COL19A1: variants seen among roughly 807,000 people sequenced by gnomAD.
COL19A1 encodes collagen alpha-1(XIX) chain.
Under a neutral mutation model 190.2 loss-of-function variants are expected in COL19A1, and 159 were observed. That is an observed-to-expected ratio of 0.84 (90% confidence interval 0.73 to 0.95). The LOEUF (loss-of-function observed/expected upper bound fraction) is 0.95. Ranked by LOEUF, COL19A1 falls within the 40% of genes least tolerant of loss-of-function variation. The pLI is 0.00. For missense variants in COL19A1, 1,418 were observed against 1,431.9 expected (o/e 0.99, Z 0.16); for synonymous variants, 509 against 458.9 (o/e 1.11, Z -1.39).
chr6:69,934,900 T>G (rs1215523835), intron 7 of COL19A1, among the ~76,000 whole-genome samples: 1 of 151,994 alleles, frequency 6.6e-6, no homozygotes, highest in Admixed American at 6.6e-5. Context: ...TTGTATTTAT[T>G]TTCTTTTTTG....
rs1354736561 is a variant in COL19A1 at position 70,210,289 on chromosome 6, A to G, written c.*3015A>G. Among the ~76,000 whole-genome samples, 28 of 152,198 alleles carry G rather than the reference A, an allele frequency of 1.8e-4. No individual in the cohort carries two copies. The highest frequency in any genetic ancestry group is 1.6e-3 in the Admixed American group (25 of 15,282). On this transcript the variant is annotated 3_prime_UTR_variant, in exon 51 of 51. Coordinates refer to ENST00000620364, the MANE Select transcript of COL19A1 (RefSeq NM_001858.6). ...AAAGATTAAAGTATGACTTCAATTC[A>G]TATTTATGGCCTTTGGAATCCAAAG...
intron 17 of COL19A1, among the ~76,000 whole-genome samples, chr6:70,124,107 AG>A (rs756179584): frequency 2.0e-5 from 3 of 151,476 alleles, no homozygotes; most frequent in African/African-American, 7.2e-5. Flanking sequence ...AAAATAAATA[AG>A]GAAAAAAAAC....
chr6:69,908,846 C>G (rs1445758985), intron 4 of COL19A1, among the ~76,000 whole-genome samples: 1 of 152,034 alleles, frequency 6.6e-6, no homozygotes, highest in African/African-American at 2.4e-5. Flanking sequence ...TTTTCTTGGA[C>G]TTGACCATTC....
At chr6:70,026,084 T>A (rs1778717250) in intron 12 of COL19A1, among the ~76,000 whole-genome samples, 1 of 152,172 alleles carries the variant, frequency 6.6e-6, no homozygotes, top group Non-Finnish European at 1.5e-5. Context: ...TGCATAAAAG[T>A]AATATTGGAA....
chr6:70,141,100 C>T, intron 20 of COL19A1, 111 bp downstream of exon 20: 1 of 926,276 alleles, frequency 1.1e-6, no homozygotes, highest in Non-Finnish European at 1.6e-6. Flanking sequence ...AAATAAGGTC[C>T]ATGAGCATTT....
intron 15 of COL19A1, among the ~76,000 whole-genome samples, chr6:70,084,278 G>T (rs758628053): frequency 1.3e-5 from 2 of 152,088 alleles, no homozygotes; most frequent in Non-Finnish European, 2.9e-5. Context: ...TGACTGGCAC[G>T]AGGATGCTGA....
chr6:70,195,658 A>C (rs1266328988), intron 48 of COL19A1, among the ~76,000 whole-genome samples: 1 of 152,222 alleles, frequency 6.6e-6, no homozygotes, highest in Non-Finnish European at 1.5e-5. Flanking sequence ...AAGGAATTTC[A>C]ACAACTACTA....
intron 15 of COL19A1, among the ~76,000 whole-genome samples, chr6:70,099,153 T>C (rs773438981): frequency 3.3e-5 from 5 of 151,908 alleles, no homozygotes; most frequent in Admixed American, 1.3e-4. Flanking sequence ...TCCACCCACA[T>C]TTCTCATCCA....
chr6:69,895,579 A>G (rs914642724), intron 2 of COL19A1, among the ~76,000 whole-genome samples: 6 of 152,168 alleles, frequency 3.9e-5, no homozygotes, highest in African/African-American at 1.4e-4. Context: ...TTCCCGCCAG[A>G]CTGTTCAAAT....
chr6:70,008,766 A>G (rs2150092199), intron 11 of COL19A1, among the ~76,000 whole-genome samples: 1 of 151,526 alleles, frequency 6.6e-6, no homozygotes, highest in South Asian at 2.1e-4. Flanking sequence ...AGAGAGATGC[A>G]CACACACACA....
chr6:70,109,043 C>T (rs1271606336), intron 16 of COL19A1, among the ~76,000 whole-genome samples: 1 of 152,096 alleles, frequency 6.6e-6, no homozygotes, highest in African/African-American at 2.4e-5. Flanking sequence ...CACAAAGCAA[C>T]AACAAACTAC....
rs767174241 is a variant in COL19A1, at chr6:70,144,231, A to T, written c.1648A>T (p.Ile550Phe). The T allele has an allele frequency of 6.2e-7, 1 of 1,612,574 alleles. No individual in the cohort carries two copies. The highest frequency in any genetic ancestry group is 8.5e-7 in the Non-Finnish European group (1 of 1,178,912). Reference sequence around the variant, plus strand: ...CTAGGGATTGCCAGGAGAACATGGTATCCCAGGAAAACAAGGCATTAAAGG... The same window carrying T: ...CTAGGGATTGCCAGGAGAACATGGTTTCCCAGGAAAACAAGGCATTAAAGG... Reference protein sequence around the residue: ...GDVGLPGEHGIPGKQGIKGEK... With the variant: ...GDVGLPGEHGFPGKQGIKGEK... Residue 550 changes from isoleucine (I) to phenylalanine (F), a missense_variant, in exon 24 of 51, where the codon ATC becomes TTC. Physicochemically the swap from Ile to Phe is conservative, Grantham distance 21. Coordinates refer to ENST00000620364, the MANE Select transcript of COL19A1 (RefSeq NM_001858.6).
chr6:70,127,262 A>G (rs1785257267), intron 17 of COL19A1, among the ~76,000 whole-genome samples: 1 of 152,208 alleles, frequency 6.6e-6, no homozygotes, highest in Non-Finnish European at 1.5e-5. Flanking sequence ...CAGGTCATGC[A>G]GAGATTTGAA....
In COL19A1 at chr6:70,156,690, C is replaced by T. The variant is rs1787462202; in HGVS notation, c.2259C>T (p.Gly753=). The change falls in exon 34 of 51, where the codon GGC becomes GGT. Residue 753 remains glycine (G), a synonymous_variant. Transcript: ENST00000620364. ...TTTAGGGAAGCAAAGGAGAGCGGGG[C>T]TACCCTGGGATACCTGGGGAGAAAG... ...EGPKGSKGER[G]YPGIPGEKGD... is the part of the protein sequence containing the mutation. The T allele has an allele frequency of 6.2e-7, 1 of 1,611,706 alleles. No individual in the cohort carries two copies.
At chr6:70,190,029 C>T (rs1766757975) in intron 47 of COL19A1, among the ~76,000 whole-genome samples, 1 of 152,062 alleles carries the variant, frequency 6.6e-6, no homozygotes, top group Non-Finnish European at 1.5e-5. Flanking sequence ...GAATGTCTTC[C>T]CTAACTGTAT....
intron 14 of COL19A1, among the ~76,000 whole-genome samples, chr6:70,041,880 C>T (rs917726954): frequency 5.3e-5 from 8 of 151,712 alleles, no homozygotes; most frequent in African/African-American, 1.5e-4. Flanking sequence ...GGCAAAACCT[C>T]ATCTCTACTA....
chr6:70,038,586 A>C (rs990119175), intron 14 of COL19A1, among the ~76,000 whole-genome samples: 2 of 152,254 alleles, frequency 1.3e-5, no homozygotes, highest in African/African-American at 4.8e-5. Context: ...AATTAGGGCT[A>C]GGAAGATACC....
intron 47 of COL19A1, among the ~76,000 whole-genome samples, chr6:70,188,597 T>A (rs1461022687): frequency 2.0e-5 from 3 of 152,156 alleles, no homozygotes; most frequent in African/African-American, 7.2e-5. Context: ...ACAGGTACTG[T>A]CTCTAATGTC....
At chr6:70,019,116 T>G (rs1257846040) in intron 11 of COL19A1, among the ~76,000 whole-genome samples, 2 of 152,126 alleles carry the variant, frequency 1.3e-5, no homozygotes, top group Non-Finnish European at 2.9e-5. Flanking sequence ...TTGAACCAGT[T>G]TACAAAAGTC....
Sources: gnomAD v4.1 joint callset for allele counts (sites outside exome capture counted in the v4.1 genomes callset) on GRCh38, gnomAD v4.1.1 for gene constraint, MANE v1.5 for transcripts, NCBI Gene and HGNC (gene_info 2026-07-23, HGNC 2026-07-21) for gene names.